The following EYA2 variants were observed in gnomAD, a reference collection of about 807,000 sequenced individuals.
EYA2 encodes protein phosphatase EYA2.
EYA2 carries 31 observed loss-of-function variants against 69.2 expected under a neutral mutation model. The ratio of observed to expected loss-of-function variants is 0.45; its 90% CI spans 0.34 to 0.60. The LOEUF is 0.60. Ranked by LOEUF, EYA2 falls within the 20% of genes least tolerant of loss-of-function variation. EYA2 has a pLI of 0.02. For missense variants in EYA2, 622 were observed against 701.2 expected, an observed-to-expected ratio of 0.89 and a Z score of 1.28; for synonymous variants, 257 against 279.4, an observed-to-expected ratio of 0.92 and a Z score of 0.80.
At chr20:47,020,058 C>T (rs1360525676) in intron 5 of EYA2, among the ~76,000 whole-genome samples, 1 of 151,836 alleles carries the variant, frequency 6.6e-6, no homozygotes, top group East Asian at 1.9e-4. Context: ...TTGCTTGAGC[C>T]CAGGAGTTCA....
At chr20:47,033,910 T>C (rs1390502359) in intron 5 of EYA2, among the ~76,000 whole-genome samples, 2 of 152,236 alleles carry the variant, frequency 1.3e-5, no homozygotes, top group African/African-American at 4.8e-5. Context: ...TCCTGACTAA[T>C]TTATTGGCAC....
intron 1 of EYA2, among the ~76,000 whole-genome samples, chr20:46,941,297 AG>A (rs2146262980): frequency 6.6e-6 from 1 of 152,332 alleles, no homozygotes; most frequent in East Asian, 1.9e-4. Context: ...GGATGTAATG[AG>A]GTGCCTTCAG....
At chr20:46,933,998 G>A (rs1241583776) in intron 1 of EYA2, among the ~76,000 whole-genome samples, 1 of 152,238 alleles carries the variant, frequency 6.6e-6, no homozygotes, top group Non-Finnish European at 1.5e-5. Flanking sequence ...TTGGAGATAA[G>A]TGAGGCTTAG....
intron 15 of EYA2, among the ~76,000 whole-genome samples, 173 bp from the exon 16 acceptor site, chr20:47,187,880 G>A (rs1398743319): frequency 1.3e-5 from 2 of 152,232 alleles, no homozygotes; most frequent in African/African-American, 4.8e-5. Context: ...GGCCATACTG[G>A]TGGGTACTGG....
chr20:47,123,937 T>A (rs374459841), intron 9 of EYA2, among the ~76,000 whole-genome samples: 5 of 149,114 alleles, frequency 3.4e-5, no homozygotes, highest in Admixed American at 6.7e-5. Flanking sequence ...GGTTGCAGTG[T>A]GCCAAGTGCA....
At chr20:46,906,439 C>G (rs1417996063) in intron 1 of EYA2, among the ~76,000 whole-genome samples, 1 of 152,150 alleles carries the variant, frequency 6.6e-6, no homozygotes, top group African/African-American at 2.4e-5. Context: ...TGCAGTCTCT[C>G]GGGGACATTG....
intron 1 of EYA2, among the ~76,000 whole-genome samples, chr20:46,953,261 G>C (rs1362827659): frequency 6.6e-6 from 1 of 152,098 alleles, no homozygotes; most frequent in Non-Finnish European, 1.5e-5. Context: ...TTACACATGG[G>C]GATGCTGGGG....
intron 9 of EYA2, among the ~76,000 whole-genome samples, chr20:47,130,426 C>T (rs374215148): frequency 1.2e-3 from 176 of 150,964 alleles, no homozygotes; most frequent in Non-Finnish European, 1.9e-3. Context: ...CATCACGCCC[C>T]GCTAATTTTT....
intron 5 of EYA2, among the ~76,000 whole-genome samples, chr20:47,067,132 A>AC (rs2031141607): frequency 1.3e-5 from 2 of 152,238 alleles, no homozygotes; most frequent in Non-Finnish European, 2.9e-5. Flanking sequence ...GAGAAAGCAT[A>AC]CCAAGGGACA....
intron 9 of EYA2, among the ~76,000 whole-genome samples, chr20:47,139,963 C>T (rs76536739): frequency 0.017 from 2,621 of 152,298 alleles, 115 homozygotes; most frequent in East Asian, 0.17. Flanking sequence ...TATAAATACT[C>T]TTCACAGAGA....
At chr20:47,181,000 G>A (rs2034527347) in intron 14 of EYA2, 64 bp downstream of exon 14, 3 of 1,578,210 alleles carry the variant, frequency 1.9e-6, no homozygotes, top group African/African-American at 2.7e-5. Flanking sequence ...TTTCCATCCT[G>A]GGAATGGGGT....
intron 5 of EYA2, among the ~76,000 whole-genome samples, chr20:47,028,148 C>T (rs920430867): frequency 1.3e-5 from 2 of 152,132 alleles, no homozygotes. Flanking sequence ...GAGGACAGGC[C>T]ATGCAAGGAC....
intron 11 of EYA2, among the ~76,000 whole-genome samples, chr20:47,169,933 T>C: frequency 6.6e-6 from 1 of 152,080 alleles, no homozygotes; most frequent in East Asian, 1.9e-4. Context: ...GAGGCTGACT[T>C]TCACTCTTGT....
At chr20:47,164,474 G>C (rs1458286595) in intron 10 of EYA2, among the ~76,000 whole-genome samples, 1 of 152,226 alleles carries the variant, frequency 6.6e-6, no homozygotes, top group African/African-American at 2.4e-5. Flanking sequence ...GAAAGGCCTG[G>C]GGGGCGGAGG....
intron 15 of EYA2, among the ~76,000 whole-genome samples, chr20:47,187,219 A>T (rs1317345828): frequency 1.3e-5 from 2 of 151,888 alleles, no homozygotes; most frequent in Non-Finnish European, 2.9e-5. Flanking sequence ...AAATACAAAA[A>T]TTAGCCAGAT....
intron 1 of EYA2, among the ~76,000 whole-genome samples, chr20:46,959,651 C>T (rs201165729): frequency 1.2e-5 from 1 of 82,346 alleles, no homozygotes; most frequent in South Asian, 3.6e-4. Flanking sequence ...TGCACGCACA[C>T]GCACGCACAC....
intron 1 of EYA2, among the ~76,000 whole-genome samples, chr20:46,935,759 A>T (rs1037206690): frequency 6.6e-6 from 1 of 152,156 alleles, no homozygotes; most frequent in Non-Finnish European, 1.5e-5. Flanking sequence ...AATGTCAAAT[A>T]AATAATTATT....
chr20:47,167,066 A>ATC (rs2034213499), intron 10 of EYA2: 2 of 154,876 alleles, frequency 1.3e-5, no homozygotes, highest in Non-Finnish European at 2.9e-5. Flanking sequence ...GCAGGTGTGC[A>ATC]TCGTGTAGGC....
chr20:47,050,030 C>G lies in EYA2; in HGVS notation c.416-22155C>G, dbSNP rs115305537. ...CAAGGAGATCACATAAGTGACGTTG[C>G]ACCCTCAGTGCATCTTTCCAGGGGC... On this transcript the variant is annotated intron_variant, in intron 5 of 15. Transcript: ENST00000327619. Among the ~76,000 whole-genome samples, 1,073 of 152,306 alleles carry G rather than the reference C, an allele frequency of 7.0e-3. 13 individuals are homozygous for G. Among genetic ancestry groups the G allele is most frequent in the African/African-American group, 0.025 (1,024 of 41,572 alleles).
Sources: gnomAD v4.1 joint callset for allele counts (sites outside exome capture counted in the v4.1 genomes callset) on GRCh38, gnomAD v4.1.1 for gene constraint, MANE v1.5 for transcripts, NCBI Gene and HGNC (gene_info 2026-07-23, HGNC 2026-07-21) for gene names.